PRICKLE1: variants seen among roughly 807,000 people sequenced by gnomAD.
PRICKLE1 encodes the protein prickle-like protein 1.
Under a neutral mutation model 70.2 loss-of-function variants are expected in PRICKLE1, and 14 were observed. The observed-to-expected ratio is 0.20, with a 90% CI of 0.13 to 0.31. PRICKLE1 has a LOEUF of 0.31. Among genes scored for constraint, PRICKLE1 ranks in the 10% least tolerant of loss-of-function variants. The pLI is 1.00. For synonymous variants in PRICKLE1, 357 were observed against 379.9 expected (o/e 0.94, Z 0.70); for missense variants, 821 against 1,026.2 (o/e 0.80, Z 2.73).
At chr12:42,469,674 G>A in intron 3 of PRICKLE1, 87 bp from the exon 4 acceptor site, 1 of 1,565,908 alleles carries the variant, frequency 6.4e-7, no homozygotes, top group Non-Finnish European at 8.7e-7. Context: ...GTTTCAGGAA[G>A]TGAAACAGTA....
At chr12:42,541,481 G>A (rs1379252675) in intron 1 of PRICKLE1, among the ~76,000 whole-genome samples, 1 of 151,804 alleles carries the variant, frequency 6.6e-6, no homozygotes. Context: ...GTCAGGACAG[G>A]TGCACACTGC....
At chr12:42,499,635 G>T (rs986354122) in intron 1 of PRICKLE1, among the ~76,000 whole-genome samples, 3 of 152,084 alleles carry the variant, frequency 2.0e-5, no homozygotes, top group Non-Finnish European at 4.4e-5. Flanking sequence ...TGGCCAGGCT[G>T]GTCTTGAACT....
chr12:42,543,367 C>CTTTT (rs35278944), intron 1 of PRICKLE1, among the ~76,000 whole-genome samples: 13 of 143,248 alleles, frequency 9.1e-5, no homozygotes, highest in Non-Finnish European at 1.8e-4. Flanking sequence ...ATGTATAACT[C>CTTTT]TTTTTTTTTT....
chr12:42,488,262 A>G (rs983993671), intron 1 of PRICKLE1, among the ~76,000 whole-genome samples: 5 of 152,162 alleles, frequency 3.3e-5, no homozygotes, highest in African/African-American at 1.2e-4. Flanking sequence ...TCAATAGCTG[A>G]TTATGACACT....
chr12:42,460,880 TG>T (rs1228660721), intron 7 of PRICKLE1, among the ~76,000 whole-genome samples: 9 of 152,148 alleles, frequency 5.9e-5, no homozygotes, highest in Admixed American at 2.6e-4. Flanking sequence ...TTTTTTGTTT[TG>T]TTTTTTTGTT....
chr12:42,570,217 T>C (rs1020867895), intron 1 of PRICKLE1, among the ~76,000 whole-genome samples: 1 of 152,240 alleles, frequency 6.6e-6, no homozygotes, highest in Admixed American at 6.5e-5. Context: ...ACAATTGTCA[T>C]ACTCCATGCT....
intron 6 of PRICKLE1, 123 bp downstream of exon 6, chr12:42,466,071 A>T: frequency 9.7e-7 from 1 of 1,031,648 alleles, no homozygotes; most frequent in Non-Finnish European, 1.5e-6. Context: ...TAAGATCTGT[A>T]CATTTCATTG....
intron 3 of PRICKLE1, 163 bp from the exon 4 acceptor site, chr12:42,469,750 T>A: frequency 1.2e-6 from 1 of 817,884 alleles, no homozygotes; most frequent in African/African-American, 1.7e-5. Context: ...TTTTACAGCC[T>A]CTCTAGAAAA....
chr12:42,577,694 G>A (rs17091364), intron 1 of PRICKLE1, among the ~76,000 whole-genome samples: 3,805 of 152,244 alleles, frequency 0.025, 64 homozygotes, highest in South Asian at 0.057. Flanking sequence ...GAGTGGGTAC[G>A]AAGGCCAGAA....
Position 42,460,453 on chromosome 12 carries a change from C to T in PRICKLE1, c.1852G>A (p.Val618Met). Residue 618 changes from valine (V) to methionine (M), a missense_variant, in exon 8 of 8, where the codon GTG becomes ATG. Coordinates refer to ENST00000345127, the MANE Select transcript of PRICKLE1 (RefSeq NM_153026.3). ...GATTGAGACTTGGACCTTCTGAGCACTGGCAGATGTACTGGCTTCTCTTCA... is the reference window on the plus strand; with the variant it reads ...GATTGAGACTTGGACCTTCTGAGCATTGGCAGATGTACTGGCTTCTCTTCA... ...LPEEKPVHLP[V>M]LRRSKSQSRP... 4 of 1,614,004 alleles carry T rather than the reference C, an allele frequency of 2.5e-6. No individual in the cohort carries two copies. In the South Asian group the frequency reaches 4.4e-5, roughly 18 times the overall value.
intron 1 of PRICKLE1, among the ~76,000 whole-genome samples, chr12:42,549,346 C>T (rs1414413445): frequency 6.6e-6 from 1 of 152,078 alleles, no homozygotes; most frequent in African/African-American, 2.4e-5. Flanking sequence ...CGCATGACTA[C>T]AACATAAAAA....
chr12:42,469,318 C>G (rs1593112484), intron 4 of PRICKLE1, 132 bp downstream of exon 4: 2 of 1,006,260 alleles, frequency 2.0e-6, no homozygotes, highest in East Asian at 2.5e-5. Flanking sequence ...TAATAAAAAG[C>G]TAGGCTGTCT....
At chr12:42,562,065 C>T (rs147625477) in intron 1 of PRICKLE1, among the ~76,000 whole-genome samples, 244 of 152,140 alleles carry the variant, frequency 1.6e-3, no homozygotes, top group African/African-American at 5.5e-3. Context: ...GCACGTGCCA[C>T]TGCACCCAGG....
chr12:42,588,153 A>C (rs974762933), intron 1 of PRICKLE1, among the ~76,000 whole-genome samples: 9 of 152,210 alleles, frequency 5.9e-5, no homozygotes, highest in African/African-American at 2.2e-4. Context: ...CTGAGCTCAC[A>C]CATCTGGAGC....
At position 42,589,484 on chromosome 12, in the gene PRICKLE1, A is replaced by T. The variant is rs981209646; in HGVS notation, c.-68T>A. ...ACTCACCTCGCGCGAGGGAGACGCA[A>T]CTCGGCTGCACTGTCCTCGGCGCCG... On this transcript the variant is annotated 5_prime_UTR_variant, in exon 1 of 8. It adds an upstream start codon to the 5' untranslated region. Transcript: ENST00000345127. The surrounding 1 kb of genome is among the most constrained non-coding windows in gnomAD (Gnocchi z 5.0). 1 of 152,498 alleles carries T rather than the reference A, an allele frequency of 6.6e-6. No individual in the cohort carries two copies. Among genetic ancestry groups the T allele is most frequent in the African/African-American group, 2.4e-5 (1 of 41,402 alleles). 9.4% of individuals were successfully genotyped at this position (152,498 alleles called of 1,614,324 possible). A position where few individuals can be genotyped will look rare whatever the true frequency, so the allele number is the denominator to read the frequency against.
At chr12:42,466,095 T>C in intron 6 of PRICKLE1, 99 bp downstream of exon 6, 1 of 1,261,786 alleles carries the variant, frequency 7.9e-7, no homozygotes, top group East Asian at 2.3e-5. Flanking sequence ...GTAAATTATA[T>C]CTCAACTTTA....
Position 42,460,032 on chromosome 12 carries a change from T to A in PRICKLE1, c.2273A>T (p.Asp758Val). 6.2e-7 allele frequency: 1 copy of A among 1,614,048 alleles called. No homozygotes were observed. The highest frequency in any genetic ancestry group is 8.5e-7 in the Non-Finnish European group (1 of 1,180,002). Residue 758 changes from aspartate to valine, a missense_variant, in exon 8 of 8, where the codon GAT (aspartate) becomes GTT (valine). Asp to Val is a radical substitution (Grantham distance 152). Transcript: ENST00000345127. ...MNRFLGLYGE[D>V]DDSWCSSSSS... ...GGAGGAAGAACACCAGGAATCATCA[T>A]CCTCGCCGTAGAGTCCCAGAAACCG... is the stretch of plus-strand genomic sequence containing the variant.
chr12:42,547,629 G>A (rs952723630), intron 1 of PRICKLE1, among the ~76,000 whole-genome samples: 9 of 152,096 alleles, frequency 5.9e-5, no homozygotes, highest in African/African-American at 1.7e-4. Context: ...ATGGGATAAC[G>A]TATACTATGC....
At chr12:42,566,751 G>A (rs76268077) in intron 1 of PRICKLE1, among the ~76,000 whole-genome samples, 22 of 152,114 alleles carry the variant, frequency 1.4e-4, no homozygotes, top group Non-Finnish European at 3.1e-4. Context: ...TTCAAGCCAG[G>A]CACCAGAGAT....
Sources: gnomAD v4.1 joint callset for allele counts (sites outside exome capture counted in the v4.1 genomes callset) on GRCh38, gnomAD v4.1.1 for gene constraint, Gnocchi (gnomAD v3.1) non-coding constraint, MANE v1.5 for transcripts, NCBI Gene and HGNC (gene_info 2026-07-23, HGNC 2026-07-21) for gene names.